The following ZNF275 variants were observed in gnomAD, a reference collection of about 807,000 sequenced individuals.
ZNF275 encodes the protein zinc finger protein 275.
A neutral mutation model predicts 4.3 loss-of-function variants in ZNF275; 4 were observed. The observed-to-expected ratio is 0.93, with a 90% CI of 0.46 to 2.13. ZNF275 has a LOEUF of 2.13. Among genes scored for constraint, ZNF275 ranks in the 30% most tolerant of loss-of-function variants. The probability of loss-of-function intolerance (pLI) is 0.02; values close to 1 mark genes in which losing one functional copy is unlikely to be tolerated. For synonymous variants in ZNF275, 173 were observed against 166.9 expected (o/e 1.04, Z -0.28); for missense variants, 352 against 397.1 (o/e 0.89, Z 0.97).
At chrX:153,344,073 A>T in intron 2 of ZNF275, 1 of 324,651 alleles carries the variant, frequency 3.1e-6, no homozygotes, top group Non-Finnish European at 6.0e-6. Flanking sequence ...TTCCCAGGGG[A>T]TCCAGGGACA....
In ZNF275 at chrX:153,352,090, T is replaced by C. The variant is rs1186728348; in HGVS notation, c.*4115T>C. ...TCAGAAGGTGTGGGGAGCAGCACAG[T>C]ACTCAGAGGAGTGAGGAGCGTGGCG... On this transcript the variant is annotated 3_prime_UTR_variant, in exon 4 of 4. Transcript: ENST00000650114. The C allele has an allele frequency of 8.9e-6, 1 of 111,919 alleles. No homozygotes were observed. The highest frequency in any genetic ancestry group is 2.8e-4 in the East Asian group (1 of 3,590). 9.2% of individuals were successfully genotyped at this position (111,919 alleles called of 1,213,427 possible).
At chrX:153,334,872 G>A (rs1461768764) in intron 1 of ZNF275, among the ~76,000 whole-genome samples, 1 of 22,702 alleles carries the variant, frequency 4.4e-5, no homozygotes, top group Non-Finnish European at 6.7e-5. Context: ...GGGTGGGAGT[G>A]GGGGGGGGCG....
Position 153,347,735 on chromosome X carries a change from A to T in ZNF275, c.1050A>T (p.Ala350=), listed in dbSNP as rs781829487. 3.3e-6 allele frequency: 4 copies of T among 1,208,437 alleles called. No individual in the cohort carries two copies. The African/African-American group carries it at 5.2e-5, about 16-fold the overall frequency. The change falls in exon 4 of 4, where the codon GCA becomes GCT. Residue 350 remains alanine, a synonymous_variant. Coordinates refer to ENST00000650114, the MANE Select transcript of ZNF275 (RefSeq NM_001367757.1). ...TCCACAGTGGCGAGCGGCCCTACGCATGCGGCGAGTGTGGCAAGGCCTTCC... is the reference window on the plus strand; with the variant it reads ...TCCACAGTGGCGAGCGGCCCTACGCTTGCGGCGAGTGTGGCAAGGCCTTCC... The part of the protein sequence containing the change: ...ARIHSGERPY[A]CGECGKAFRG...
At chrX:153,334,567 C>A (rs1171541348) in intron 1 of ZNF275, among the ~76,000 whole-genome samples, 1 of 110,438 alleles carries the variant, frequency 9.1e-6, no homozygotes, top group Admixed American at 9.5e-5. Context: ...TACGAAGAGG[C>A]CCGAAGGCCT....
At chrX:153,341,457 A>AT (rs1328162496) in intron 2 of ZNF275, among the ~76,000 whole-genome samples, 3 of 112,402 alleles carry the variant, frequency 2.7e-5, no homozygotes, top group Non-Finnish European at 5.6e-5. Flanking sequence ...GCTTTAAATG[A>AT]TTAATTGTTT....
chrX:153,341,691 A>G (rs1411286466), intron 2 of ZNF275, among the ~76,000 whole-genome samples: 3 of 112,284 alleles, frequency 2.7e-5, no homozygotes, highest in Non-Finnish European at 5.6e-5. Flanking sequence ...TTCATTTTGG[A>G]AGGAAATTTT....
rs2088538496 is a variant in ZNF275, at chrX:153,348,784, G to A, written c.*809G>A. On this transcript the variant is annotated 3_prime_UTR_variant, in exon 4 of 4. Transcript: ENST00000650114. The stretch of plus-strand genomic sequence containing the variant: ...TCGTTTTTTAATCTGTCCTGTGACT[G>A]TACAATATAACCACTTAAGGTCATA... 1 of 123,667 alleles carries A rather than the reference G, an allele frequency of 8.1e-6. No individual in the cohort carries two copies. The highest frequency in any genetic ancestry group is 1.9e-5 in the Non-Finnish European group (1 of 53,398). The allele number at this position is 123,667 out of a possible 1,213,427, so 10.2% of individuals were successfully genotyped here.
chrX:153,339,484 A>G (rs951418458), intron 2 of ZNF275, among the ~76,000 whole-genome samples: 1 of 106,526 alleles, frequency 9.4e-6, no homozygotes, highest in South Asian at 4.3e-4. Flanking sequence ...CAGTCTAGGC[A>G]GCATAGTGAG....
In ZNF275 at chrX:153,350,539, A is replaced by T. The variant is rs782058221; in HGVS notation, c.*2564A>T. The T allele has an allele frequency of 7.3e-5, 9 of 123,866 alleles. No individual in the cohort carries two copies. The East Asian group carries it at 2.3e-3, about 31-fold the overall frequency. 10.2% of individuals were successfully genotyped at this position (123,866 alleles called of 1,213,427 possible). ...GAAGCCACAGATAGAAGCCAGCCCC[A>T]CCAGGGCTGTGCTGTGACTTCCCAG... On this transcript the variant is annotated 3_prime_UTR_variant, in exon 4 of 4. Coordinates refer to ENST00000650114, the MANE Select transcript of ZNF275 (RefSeq NM_001367757.1).
At position 153,349,138 on chromosome X, in the gene ZNF275, T is replaced by C. The variant is rs938317302; in HGVS notation, c.*1163T>C. ...AGCCTCTCCTGGTATCAGGCCTAGA[T>C]GGTACTTCTCCAGCCTTCCGTTTCT... On this transcript the variant is annotated 3_prime_UTR_variant, in exon 4 of 4. Transcript: ENST00000650114. 1.6e-5 allele frequency: 2 copies of C among 123,809 alleles called. No individual in the cohort carries two copies. The highest frequency in any genetic ancestry group is 6.5e-5 in the African/African-American group (2 of 30,935). 10.2% of individuals were successfully genotyped at this position (123,809 alleles called of 1,213,427 possible).
intron 1 of ZNF275, among the ~76,000 whole-genome samples, chrX:153,335,023 G>A (rs1327502776): frequency 9.0e-6 from 1 of 110,920 alleles, no homozygotes; most frequent in Non-Finnish European, 1.9e-5. Flanking sequence ...CCCTACTGGG[G>A]GCCGCCATCT....
chrX:153,345,301 C>T (rs782517129), intron 2 of ZNF275: 435 of 319,722 alleles, frequency 1.4e-3, no homozygotes, highest in Non-Finnish European at 2.0e-3. Flanking sequence ...CTTGATACTC[C>T]ACAGAGCCTC....
At position 153,347,509 on chromosome X, in the gene ZNF275, G is replaced by A. The variant is rs1176344484; in HGVS notation, c.824G>A (p.Arg275Gln). 5.0e-6 allele frequency: 6 copies of A among 1,198,864 alleles called. No homozygotes were observed. In the Admixed American group the frequency reaches 6.6e-5, roughly 13 times the overall value. ...TGCGACGACTGCGGCAAGTCCTTCC[G>A]AGGGGTCAACGGGCTGGCCGAGCAC... ...FDCDDCGKSF[R>Q]GVNGLAEHQR... The change falls in exon 4 of 4, where the codon CGA becomes CAA. Residue 275 changes from arginine (R) to glutamine (Q), a missense_variant. Transcript: ENST00000650114.
At chrX:153,338,660 CTGTGTGTGTGTGTGTGTGTGTG>C (rs372399918) in intron 2 of ZNF275, among the ~76,000 whole-genome samples, 2,851 of 76,559 alleles carry the variant, frequency 0.037, 163 homozygotes, top group African/African-American at 0.12. Flanking sequence ...CTTGGGAGGA[CTGTGTGTGTGTGTGTGTGTGTG>C]TGTGTGTGTG....
At chrX:153,342,889 T>C (rs1436486054) in intron 2 of ZNF275, among the ~76,000 whole-genome samples, 2 of 112,956 alleles carry the variant, frequency 1.8e-5, no homozygotes, top group Admixed American at 9.3e-5. Context: ...AACTCTGCTC[T>C]GCAACTTCCA....
intron 2 of ZNF275, chrX:153,344,339 C>G: frequency 3.8e-6 from 1 of 261,295 alleles, no homozygotes; most frequent in Non-Finnish European, 7.2e-6. Context: ...GCCTTCCTAC[C>G]CTCCCTCTGC....
chrX:153,337,507 G>C (rs1602821823), intron 2 of ZNF275, among the ~76,000 whole-genome samples: 1 of 112,180 alleles, frequency 8.9e-6, no homozygotes, highest in African/African-American at 3.2e-5. Flanking sequence ...AGTGTTTTCT[G>C]TTTCCATGCA....
chrX:153,342,612 G>A (rs782485708), intron 2 of ZNF275, among the ~76,000 whole-genome samples: 2 of 111,959 alleles, frequency 1.8e-5, no homozygotes, highest in East Asian at 5.6e-4. Flanking sequence ...GAATAGATCA[G>A]CCCTACTACT....
Position 153,348,505 on chromosome X carries a change from A to G in ZNF275, c.*530A>G, listed in dbSNP as rs1277566187. On this transcript the variant is annotated 3_prime_UTR_variant, in exon 4 of 4. Coordinates refer to ENST00000650114, the MANE Select transcript of ZNF275 (RefSeq NM_001367757.1). ...TACTGTAAATCACATATTATATAAA[A>G]TAATATATTAATTTAGAAAATACCC... is the stretch of plus-strand genomic sequence containing the variant. 8.1e-6 allele frequency: 1 copy of G among 123,009 alleles called. No individual in the cohort carries two copies. Among genetic ancestry groups the G allele is most frequent in the Non-Finnish European group, 1.9e-5 (1 of 53,279 alleles). 10.1% of individuals were successfully genotyped at this position (123,009 alleles called of 1,213,427 possible). A position where few individuals can be genotyped will look rare whatever the true frequency, so the allele number is the denominator to read the frequency against.
Sources: gnomAD v4.1 joint callset for allele counts (sites outside exome capture counted in the v4.1 genomes callset) on GRCh38, gnomAD v4.1.1 for gene constraint, MANE v1.5 for transcripts, NCBI Gene and HGNC (gene_info 2026-07-23, HGNC 2026-07-21) for gene names.